Variants in ARL6IP6 observed in about 807,000 individuals in gnomAD.
The protein encoded by ARL6IP6 is ARF like GTPase 6 interacting protein 6.
In ARL6IP6, 22 loss-of-function variants were observed where a neutral mutation model predicts 21.5. The observed-to-expected ratio is 1.02, with a 90% CI of 0.73 to 1.46. ARL6IP6 has a LOEUF of 1.46. ARL6IP6 is among the 40% of genes most tolerant of loss of function. The pLI is 0.00. For missense variants in ARL6IP6, 388 were observed against 299.8 expected (o/e 1.29, Z -2.17); for synonymous variants, 164 against 125.3 (o/e 1.31, Z -2.06).
At chr2:152,720,387 T>G in intron 1 of ARL6IP6, 146 bp from the exon 2 acceptor site, 1 of 736,872 alleles carries the variant, frequency 1.4e-6, no homozygotes, top group Non-Finnish European at 2.3e-6. Context: ...GAAGGTCACA[T>G]AGCTGGTAAA....
At chr2:152,737,623 T>G (rs531016213) in intron 3 of ARL6IP6, among the ~76,000 whole-genome samples, 2 of 152,168 alleles carry the variant, frequency 1.3e-5, no homozygotes, top group African/African-American at 4.8e-5. Flanking sequence ...GCACATCTTA[T>G]ATGATGGCAG....
intron 3 of ARL6IP6, among the ~76,000 whole-genome samples, chr2:152,742,570 TAAAAAAAAAA>T (rs71396304): frequency 2.6e-5 from 3 of 115,990 alleles, no homozygotes; most frequent in Middle Eastern, 4.7e-3. Context: ...ATACGCTCTT[TAAAAAAAAAA>T]AAAAAAAAAA....
At chr2:152,739,862 A>G (rs1026665445) in intron 3 of ARL6IP6, among the ~76,000 whole-genome samples, 7 of 152,206 alleles carry the variant, frequency 4.6e-5, no homozygotes, top group African/African-American at 1.7e-4. Context: ...GCAAAGGCAC[A>G]TCTTACATGG....
intron 3 of ARL6IP6, among the ~76,000 whole-genome samples, chr2:152,746,444 A>G (rs1418391557): frequency 5.3e-5 from 8 of 152,186 alleles, no homozygotes; most frequent in African/African-American, 1.9e-4. Flanking sequence ...CCAATTTTGT[A>G]CTTGGAACCC....
At chr2:152,724,667 G>A (rs115860957) in intron 2 of ARL6IP6, among the ~76,000 whole-genome samples, 1,943 of 152,252 alleles carry the variant, frequency 0.013, 46 homozygotes, top group African/African-American at 0.044. Context: ...TTGGTGGTTG[G>A]GAGGGACGTT....
chr2:152,757,560 C>A (rs915500888), intron 3 of ARL6IP6, among the ~76,000 whole-genome samples: 13 of 152,162 alleles, frequency 8.5e-5, no homozygotes, highest in African/African-American at 3.1e-4. Flanking sequence ...ATAATTCCTT[C>A]AGTCTTTGTT....
chr2:152,740,248 G>A (rs1700745461), intron 3 of ARL6IP6, among the ~76,000 whole-genome samples: 1 of 152,120 alleles, frequency 6.6e-6, no homozygotes, highest in African/African-American at 2.4e-5. Context: ...GACTGTAGGT[G>A]TGTCAGCATG....
At chr2:152,723,605 A>C (rs528946856) in intron 2 of ARL6IP6, among the ~76,000 whole-genome samples, 63 of 152,336 alleles carry the variant, frequency 4.1e-4, no homozygotes, top group African/African-American at 1.5e-3. Context: ...AGACTGACAA[A>C]AATTTTGTAC....
At chr2:152,736,637 A>G (rs1432067660) in intron 3 of ARL6IP6, among the ~76,000 whole-genome samples, 1 of 151,746 alleles carries the variant, frequency 6.6e-6, no homozygotes, top group Non-Finnish European at 1.5e-5. Context: ...CTAAGTTCTC[A>G]CTCTTCTAAT....
At chr2:152,754,234 T>A (rs1701473412) in intron 3 of ARL6IP6, among the ~76,000 whole-genome samples, 1 of 152,110 alleles carries the variant, frequency 6.6e-6, no homozygotes, top group South Asian at 2.1e-4. Context: ...CCTGCCTCTA[T>A]CCCCTGGAAA....
chr2:152,752,736 A>G lies in ARL6IP6; in HGVS notation c.588-7011A>G, dbSNP rs115747149. On this transcript the variant is annotated intron_variant, in intron 3 of 3. Transcript: ENST00000326446. ...CCTATGCAGGATGTTTGCCCTTTCC[A>G]TCTGAGATGTAGTGGAAGCGAGAAG... Among the ~76,000 whole-genome samples, 633 of 152,298 alleles carry G rather than the reference A, an allele frequency of 4.2e-3. 1 individual carries two copies. Among genetic ancestry groups the G allele is most frequent in the African/African-American group, 0.015 (608 of 41,582 alleles).
At chr2:152,738,798 A>G (rs1474408141) in intron 3 of ARL6IP6, among the ~76,000 whole-genome samples, 3 of 152,134 alleles carry the variant, frequency 2.0e-5, no homozygotes, top group Non-Finnish European at 2.9e-5. Flanking sequence ...TGTCTTGGCA[A>G]TTAACATTTG....
chr2:152,742,570 TA>T (rs71396304), intron 3 of ARL6IP6, among the ~76,000 whole-genome samples: 29,625 of 115,932 alleles, frequency 0.26, 3,220 homozygotes, highest in Non-Finnish European at 0.28. Flanking sequence ...ATACGCTCTT[TA>T]AAAAAAAAAA....
rs114311166 is a variant in ARL6IP6 at position 152,739,703 on chromosome 2, C to T, written c.587+4577C>T. ...TGTTTACAGCAGCAACCCGCTCTAC[C>T]GGTACCAATTTACTGTATTAATCTG... On this transcript the variant is annotated intron_variant, in intron 3 of 3. Transcript: ENST00000326446. 7.7e-3 allele frequency among the ~76,000 whole-genome samples: 1,165 copies of T among 152,256 alleles called. 6 individuals are homozygous for T. The highest frequency in any genetic ancestry group is 0.013 in the Non-Finnish European group (854 of 68,030).
At position 152,762,344 on chromosome 2, in the gene ARL6IP6, C is replaced by T. The variant is rs192727882; in HGVS notation, c.*2504C>T. ...TCCCTGAAGCCCAGTGGCAATCCTG[C>T]CATTCTTGATACGTGAGTCAATAAA... On this transcript the variant is annotated 3_prime_UTR_variant, in exon 4 of 4. Coordinates refer to ENST00000326446, the MANE Select transcript of ARL6IP6 (RefSeq NM_152522.7). Among the ~76,000 whole-genome samples the T allele has an allele frequency of 5.0e-4, 76 of 152,282 alleles. No homozygotes were observed. The highest frequency in any genetic ancestry group is 9.6e-4 in the East Asian group (5 of 5,182).
chr2:152,742,145 A>G (rs563966245), intron 3 of ARL6IP6, among the ~76,000 whole-genome samples: 10 of 152,324 alleles, frequency 6.6e-5, no homozygotes, highest in Admixed American at 1.3e-4. Context: ...CAAATGTAAC[A>G]GTGTATATAT....
intron 3 of ARL6IP6, among the ~76,000 whole-genome samples, chr2:152,758,075 C>G (rs1701668942): frequency 6.6e-6 from 1 of 152,116 alleles, no homozygotes; most frequent in Non-Finnish European, 1.5e-5. Context: ...AGGACTGGTT[C>G]CAGGATTCCA....
chr2:152,754,495 T>C (rs972649493), intron 3 of ARL6IP6, among the ~76,000 whole-genome samples: 2 of 152,190 alleles, frequency 1.3e-5, no homozygotes, highest in East Asian at 1.9e-4. Flanking sequence ...TAGTTCTACT[T>C]TTTTACTATT....
chr2:152,739,012 T>G (rs961692759), intron 3 of ARL6IP6, among the ~76,000 whole-genome samples: 7 of 151,980 alleles, frequency 4.6e-5, no homozygotes, highest in Non-Finnish European at 7.4e-5. Context: ...AGATGGAGTC[T>G]TGCTCTGTCA....
Sources: allele counts gnomAD v4.1 joint callset (sites outside exome capture counted in the v4.1 genomes callset), GRCh38; gene constraint gnomAD v4.1.1; transcripts MANE v1.5; gene names NCBI Gene and HGNC (gene_info 2026-07-23, HGNC 2026-07-21).